UHRF2: variants seen among roughly 807,000 people sequenced by gnomAD.
The protein encoded by UHRF2 is ubiquitin like with PHD and ring finger domains 2.
In UHRF2, 23 loss-of-function variants were observed where a neutral mutation model predicts 96.8. That is an observed-to-expected ratio of 0.24 (90% CI 0.17 to 0.34). The LOEUF (loss-of-function observed/expected upper bound fraction) is 0.34. Among genes scored for constraint, UHRF2 ranks in the 10% least tolerant of loss-of-function variants. The probability of loss-of-function intolerance (pLI) is 1.00; values close to 1 mark genes in which losing one functional copy is unlikely to be tolerated. For missense variants in UHRF2, 685 were observed against 981.5 expected, an observed-to-expected ratio of 0.70 and a Z score of 4.04; for synonymous variants, 385 against 332.6, an observed-to-expected ratio of 1.16 and a Z score of -1.72.
At chr9:6,447,265 T>C (rs1821575123) in intron 3 of UHRF2, among the ~76,000 whole-genome samples, 1 of 152,224 alleles carries the variant, frequency 6.6e-6, no homozygotes, top group Non-Finnish European at 1.5e-5. Flanking sequence ...TACTTTATTA[T>C]ATATTTGATT....
chr9:6,420,719 AAAGAG>A (rs1819883602), intron 1 of UHRF2, among the ~76,000 whole-genome samples, 188 bp from the exon 2 acceptor site: 1 of 151,808 alleles, frequency 6.6e-6, no homozygotes, highest in African/African-American at 2.4e-5. Context: ...AAAAAAAAAA[AAAGAG>A]AGAGAGAGAA....
chr9:6,477,747 G>T lies in UHRF2; in HGVS notation c.1099G>T (p.Val367Leu). Residue 367 changes from valine to leucine, a missense_variant, in exon 6 of 16, where the codon GTG becomes TTG. Around this residue, in one of 6 missense-constraint regions of UHRF2, gnomAD observed 391 missense variants for 437.0 expected, o/e 0.89. Transcript: ENST00000276893. ...NMQLLCDECN[V>L]AYHIYCLNPP... is the part of the protein sequence containing the mutation. ...GCAGCTTCTGTGTGATGAATGTAAT[G>T]TGGCTTATCATATTTACTGTCTGAA... The T allele has an allele frequency of 6.2e-7, 1 of 1,614,070 alleles. No individual in the cohort carries two copies. The highest frequency in any genetic ancestry group is 8.5e-7 in the Non-Finnish European group (1 of 1,179,958).
At chr9:6,442,814 G>A (rs545346074) in intron 3 of UHRF2, among the ~76,000 whole-genome samples, 4 of 152,146 alleles carry the variant, frequency 2.6e-5, no homozygotes, top group Admixed American at 6.5e-5. Context: ...ATGATGATAT[G>A]GTCTAGGCTT....
At chr9:6,472,174 A>G (rs566463481) in intron 4 of UHRF2, among the ~76,000 whole-genome samples, 1 of 152,288 alleles carries the variant, frequency 6.6e-6, no homozygotes, top group South Asian at 2.1e-4. Context: ...ACCACCACTG[A>G]TTGGCCTTCT....
chr9:6,460,509 T>C, intron 3 of UHRF2, 64 bp from the exon 4 acceptor site: 1 of 1,392,526 alleles, frequency 7.2e-7, no homozygotes, highest in Non-Finnish European at 9.8e-7. Flanking sequence ...GGTTTTTCTG[T>C]ACATTGCATA....
intron 4 of UHRF2, among the ~76,000 whole-genome samples, chr9:6,474,908 T>C (rs1823471143): frequency 6.6e-6 from 1 of 152,186 alleles, no homozygotes; most frequent in Non-Finnish European, 1.5e-5. Context: ...TGTAGATTTT[T>C]TAAATAAATT....
At chr9:6,452,073 C>T (rs927608001) in intron 3 of UHRF2, among the ~76,000 whole-genome samples, 21 of 151,450 alleles carry the variant, frequency 1.4e-4, no homozygotes, top group Non-Finnish European at 1.5e-5. Context: ...CTACACATAC[C>T]GTTTGCACCT....
intron 1 of UHRF2, among the ~76,000 whole-genome samples, chr9:6,417,852 G>A (rs747779712): frequency 3.9e-5 from 6 of 152,054 alleles, no homozygotes; most frequent in Non-Finnish European, 7.4e-5. Flanking sequence ...ACTCCTGACC[G>A]TCATTTAGTA....
intron 8 of UHRF2, among the ~76,000 whole-genome samples, chr9:6,485,739 G>C (rs1824234918): frequency 6.8e-6 from 1 of 146,152 alleles, no homozygotes; most frequent in South Asian, 2.2e-4. Context: ...TGAGGCTGGA[G>C]GATTGCTTGA....
At chr9:6,477,484 C>A in intron 5 of UHRF2, 138 bp from the exon 6 acceptor site, 1 of 716,696 alleles carries the variant, frequency 1.4e-6, no homozygotes, top group Non-Finnish European at 2.2e-6. Flanking sequence ...CAAGATCACG[C>A]CATTGCACTC....
chr9:6,435,405 C>G (rs182167936), intron 3 of UHRF2, among the ~76,000 whole-genome samples: 101 of 152,238 alleles, frequency 6.6e-4, no homozygotes, highest in African/African-American at 2.1e-3. Flanking sequence ...GGATTAAAGG[C>G]GTGAGCCACT....
At chr9:6,418,793 G>T (rs568934430) in intron 1 of UHRF2, among the ~76,000 whole-genome samples, 1 of 152,194 alleles carries the variant, frequency 6.6e-6, no homozygotes, top group African/African-American at 2.4e-5. Context: ...TCCTAGGGCT[G>T]TTGTACTAAT....
chr9:6,440,144 G>A (rs1821080913), intron 3 of UHRF2, among the ~76,000 whole-genome samples: 1 of 152,136 alleles, frequency 6.6e-6, no homozygotes, highest in South Asian at 2.1e-4. Flanking sequence ...TGCAAGTAGA[G>A]ACCCTGAAGC....
Position 6,475,384 on chromosome 9 carries a change from T to A in UHRF2, c.864-7T>A, listed in dbSNP as rs1221860500. The A allele has an allele frequency of 2.7e-6, 4 of 1,508,050 alleles. No individual in the cohort carries two copies. In the African/African-American group the frequency reaches 4.2e-5, roughly 16 times the overall value. The allele number at this position is 1,508,050 out of a possible 1,614,324, so 93.4% of individuals were successfully genotyped here. A position where few individuals can be genotyped will look rare whatever the true frequency, so the allele number is the denominator to read the frequency against. Reference sequence around the variant, plus strand: ...CAGAAGTTAACCTTTCTTCCTTTTTTAAACAGGGGTTCTGAAGGAACATTA... The same window carrying A: ...CAGAAGTTAACCTTTCTTCCTTTTTAAAACAGGGGTTCTGAAGGAACATTA... On this transcript the variant is annotated splice_region_variant and splice_polypyrimidine_tract_variant and intron_variant, in intron 4 of 15. Transcript: ENST00000276893.
chr9:6,432,727 G>T (rs1026926588), intron 2 of UHRF2, among the ~76,000 whole-genome samples: 1 of 152,122 alleles, frequency 6.6e-6, no homozygotes, highest in Non-Finnish European at 1.5e-5. Context: ...TCAAGGAAAA[G>T]ATAACTTGAT....
intron 15 of UHRF2, 90 bp from the exon 16 acceptor site, chr9:6,505,943 A>T: frequency 7.5e-7 from 1 of 1,337,616 alleles, no homozygotes; most frequent in Non-Finnish European, 1.0e-6. Context: ...TCTCATTACC[A>T]GTTTCTGGTT....
chr9:6,451,528 G>C (rs1048034744), intron 3 of UHRF2, among the ~76,000 whole-genome samples: 1 of 151,286 alleles, frequency 6.6e-6, no homozygotes, highest in African/African-American at 2.4e-5. Flanking sequence ...CCAGGTTGGA[G>C]TGCAGTGGCG....
At chr9:6,464,209 C>T (rs909745610) in intron 4 of UHRF2, among the ~76,000 whole-genome samples, 6 of 152,112 alleles carry the variant, frequency 3.9e-5, no homozygotes, top group Admixed American at 3.9e-4. Context: ...AGAATCTTTT[C>T]GTATTTTTAT....
intron 4 of UHRF2, among the ~76,000 whole-genome samples, chr9:6,461,818 T>G (rs1175785382): frequency 6.6e-6 from 1 of 152,162 alleles, no homozygotes; most frequent in Non-Finnish European, 1.5e-5. Flanking sequence ...TGCTGAATAG[T>G]CACTAATTTC....
Sources: allele counts gnomAD v4.1 joint callset (sites outside exome capture counted in the v4.1 genomes callset), GRCh38; gene constraint gnomAD v4.1.1; regional missense constraint gnomAD v4.1.1; transcripts MANE v1.5; gene names NCBI Gene and HGNC (gene_info 2026-07-23, HGNC 2026-07-21).